PCDH17: variants seen among roughly 807,000 people sequenced by gnomAD.
PCDH17 encodes protocadherin-17.
In PCDH17, 21 loss-of-function variants were observed where a neutral mutation model predicts 67.7. The ratio of observed to expected loss-of-function variants is 0.31; its 90% CI spans 0.22 to 0.45. PCDH17 has a LOEUF of 0.45. PCDH17 is among the 20% of genes least tolerant of loss of function. The pLI is 1.00. For synonymous variants in PCDH17, 701 were observed against 656.7 expected (o/e 1.07, Z -1.03); for missense variants, 1,471 against 1,564.8 (o/e 0.94, Z 1.01).
chr13:57,720,606 T>C (rs1364148041), intron 3 of PCDH17, among the ~76,000 whole-genome samples: 4 of 152,072 alleles, frequency 2.6e-5, no homozygotes, highest in Non-Finnish European at 4.4e-5. Flanking sequence ...TTATGGTAAT[T>C]GCTAGTAGTT....
At chr13:57,671,783 A>C (rs1229390751) in intron 3 of PCDH17, among the ~76,000 whole-genome samples, 1 of 152,026 alleles carries the variant, frequency 6.6e-6, no homozygotes, top group Non-Finnish European at 1.5e-5. Context: ...CAACTCCTTG[A>C]AATAGAATTG....
At chr13:57,686,710 A>G (rs1481064106) in intron 3 of PCDH17, among the ~76,000 whole-genome samples, 1 of 152,068 alleles carries the variant, frequency 6.6e-6, no homozygotes, top group Non-Finnish European at 1.5e-5. Flanking sequence ...TATGAAAATA[A>G]TATAAAGTTT....
intron 3 of PCDH17, among the ~76,000 whole-genome samples, chr13:57,681,021 T>A (rs1417095592): frequency 6.6e-6 from 1 of 151,798 alleles, no homozygotes; most frequent in Non-Finnish European, 1.5e-5. Flanking sequence ...ACATCTACTA[T>A]GTGTCAAGCA....
chr13:57,721,442 T>C (rs1378047987), intron 3 of PCDH17, among the ~76,000 whole-genome samples: 1 of 152,076 alleles, frequency 6.6e-6, no homozygotes, highest in Non-Finnish European at 1.5e-5. Context: ...CCATAGCTTA[T>C]AATTTAACAT....
chr13:57,692,188 G>T (rs73519490), intron 3 of PCDH17, among the ~76,000 whole-genome samples: 6 of 150,910 alleles, frequency 4.0e-5, no homozygotes, highest in African/African-American at 1.5e-4. Flanking sequence ...ACAGTTCTAC[G>T]CTTATTATTA....
chr13:57,645,032 T>C (rs1954948594), intron 1 of PCDH17, among the ~76,000 whole-genome samples: 1 of 151,604 alleles, frequency 6.6e-6, no homozygotes. Context: ...AAAAAATATA[T>C]TAATACTGGT....
At chr13:57,643,916 G>A (rs1270444858) in intron 1 of PCDH17, among the ~76,000 whole-genome samples, 1 of 151,618 alleles carries the variant, frequency 6.6e-6, no homozygotes, top group Non-Finnish European at 1.5e-5. Context: ...TTATAGATAT[G>A]CATTGACTGT....
chr13:57,673,038 A>G (rs1162114618), intron 3 of PCDH17, among the ~76,000 whole-genome samples: 4 of 152,020 alleles, frequency 2.6e-5, no homozygotes, highest in African/African-American at 4.8e-5. Flanking sequence ...GTCTAAAGAC[A>G]TAAGTGATTA....
At chr13:57,702,943 G>C (rs1955681469) in intron 3 of PCDH17, among the ~76,000 whole-genome samples, 1 of 152,164 alleles carries the variant, frequency 6.6e-6, no homozygotes, top group African/African-American at 2.4e-5. Flanking sequence ...CTCTGCAAAA[G>C]TATGTAAGTG....
At chr13:57,706,739 C>T (rs1955725279) in intron 3 of PCDH17, among the ~76,000 whole-genome samples, 1 of 152,188 alleles carries the variant, frequency 6.6e-6, no homozygotes, top group Non-Finnish European at 1.5e-5. Flanking sequence ...TCTATAGATC[C>T]TTCCTCAGTA....
Position 57,727,959 on chromosome 13 carries a change from A to T in PCDH17, c.*2665A>T, listed in dbSNP as rs1473171813. On this transcript the variant is annotated 3_prime_UTR_variant, in exon 4 of 4. Coordinates refer to ENST00000377918, the MANE Select transcript of PCDH17 (RefSeq NM_001040429.3). ...TTCAATTTATTATATGTGTCTGAGG[A>T]CATTAAAACACCATAAGGTTGTAAT... 6.6e-6 allele frequency: 1 copy of T among 152,564 alleles called. No homozygotes were observed. Among genetic ancestry groups the T allele is most frequent in the Non-Finnish European group, 1.5e-5 (1 of 67,988 alleles). 9.5% of individuals were successfully genotyped at this position (152,564 alleles called of 1,614,324 possible). A position where few individuals can be genotyped will look rare whatever the true frequency, so the allele number is the denominator to read the frequency against.
chr13:57,670,928 AT>A (rs1453482753), intron 3 of PCDH17, among the ~76,000 whole-genome samples: 4 of 151,968 alleles, frequency 2.6e-5, no homozygotes, highest in African/African-American at 9.7e-5. Context: ...TCAGCAGCTA[AT>A]TGAAGGTGTG....
In PCDH17 at chr13:57,728,285, C is replaced by A. The variant is rs572009140; in HGVS notation, c.*2991C>A. ...CTTGCTCTAATAGGTGATGCATGAG[C>A]AAACAGTGAGATTTGAAGGGGTTTT... On this transcript the variant is annotated 3_prime_UTR_variant, in exon 4 of 4. Transcript: ENST00000377918. 1.3e-5 allele frequency: 2 copies of A among 152,440 alleles called. No individual in the cohort carries two copies. The highest frequency in any genetic ancestry group is 1.9e-4 in the East Asian group (1 of 5,170). The allele number at this position is 152,440 out of a possible 1,614,324, so 9.4% of individuals were successfully genotyped here. A position where few individuals can be genotyped will look rare whatever the true frequency, so the allele number is the denominator to read the frequency against.
Position 57,633,158 on chromosome 13 carries a change from G to A in PCDH17, c.612G>A (p.Glu204=). The A allele has an allele frequency of 6.2e-7, 1 of 1,613,434 alleles. No individual in the cohort carries two copies. The highest frequency in any genetic ancestry group is 8.5e-7 in the Non-Finnish European group (1 of 1,179,990). The change falls in exon 1 of 4, where the codon GAG becomes GAA. Residue 204 remains glutamate (E), a synonymous_variant. Coordinates refer to ENST00000377918, the MANE Select transcript of PCDH17 (RefSeq NM_001040429.3). This position sits in a 1 kb window ranked among gnomAD's most constrained non-coding sequence, Gnocchi z 6.2. ...TCATCCAGAAGGCTCTGGACCGCGA[G>A]CAACAGAATCACCATACGCTCGTGC... ...ELVIQKALDR[E]QQNHHTLVLT...
chr13:57,674,093 A>AT (rs1955357997), intron 3 of PCDH17, among the ~76,000 whole-genome samples: 1 of 151,980 alleles, frequency 6.6e-6, no homozygotes, highest in African/African-American at 2.4e-5. Context: ...TTTGTTGCAC[A>AT]TTGTAAAGCC....
intron 3 of PCDH17, among the ~76,000 whole-genome samples, chr13:57,706,015 TAA>T (rs747132510): frequency 1.9e-4 from 25 of 128,818 alleles, no homozygotes; most frequent in Admixed American, 3.9e-4. Context: ...AACTCAGTCT[TAA>T]AAAAAAAAAA....
At chr13:57,674,765 A>C (rs1481737967) in intron 3 of PCDH17, among the ~76,000 whole-genome samples, 2 of 151,982 alleles carry the variant, frequency 1.3e-5, no homozygotes, top group Admixed American at 1.3e-4. Flanking sequence ...TAATTTTGTT[A>C]ATTTAATAGG....
At chr13:57,724,516 G>A in intron 3 of PCDH17, 96 bp from the exon 4 acceptor site, 2 of 935,050 alleles carry the variant, frequency 2.1e-6, no homozygotes, top group African/African-American at 1.7e-5. Context: ...AGAGACCAGA[G>A]GTCAAGCAAG....
At chr13:57,700,456 C>T (rs1955651538) in intron 3 of PCDH17, among the ~76,000 whole-genome samples, 1 of 151,812 alleles carries the variant, frequency 6.6e-6, no homozygotes, top group Non-Finnish European at 1.5e-5. Context: ...CTAGCTGGGA[C>T]TACAGGCGCG....
Sources: allele counts gnomAD v4.1 joint callset (sites outside exome capture counted in the v4.1 genomes callset), GRCh38; gene constraint gnomAD v4.1.1; non-coding constraint Gnocchi (gnomAD v3.1); transcripts MANE v1.5; gene names NCBI Gene and HGNC (gene_info 2026-07-23, HGNC 2026-07-21).